The following SMIM41 variants were observed in gnomAD, a reference collection of about 807,000 sequenced individuals.
SMIM41 encodes small integral membrane protein 41.
chr12:52,090,500 C>T (rs990224711), intron 2 of SMIM41, among the ~76,000 whole-genome samples: 1 of 152,098 alleles, frequency 6.6e-6, no homozygotes, highest in African/African-American at 2.4e-5. Context: ...GAGGAAGGAG[C>T]GCACCTGCTG....
At chr12:52,085,858 ACT>A (rs995775883) in intron 2 of SMIM41, among the ~76,000 whole-genome samples, 1 of 152,008 alleles carries the variant, frequency 6.6e-6, no homozygotes, top group African/African-American at 2.4e-5. Flanking sequence ...CCATGAGATA[ACT>A]CATGTCCGCT....
chr12:52,101,825 G>A (rs1014985141), intron 2 of SMIM41, among the ~76,000 whole-genome samples: 1 of 151,966 alleles, frequency 6.6e-6, no homozygotes, highest in Non-Finnish European at 1.5e-5. Context: ...TGATTCTCCT[G>A]CCTCCACCTC....
At chr12:52,085,126 C>T (rs1336039760) in intron 2 of SMIM41, among the ~76,000 whole-genome samples, 1 of 152,198 alleles carries the variant, frequency 6.6e-6, no homozygotes, top group Non-Finnish European at 1.5e-5. Flanking sequence ...ATATTTGGCT[C>T]AGGCAGAAGG....
Position 52,107,527 on chromosome 12 carries a change from T to C in SMIM41, c.*344T>C, listed in dbSNP as rs779074251. The C allele has an allele frequency of 3.9e-5, 38 of 969,704 alleles. No individual in the cohort carries two copies. The highest frequency in any genetic ancestry group is 5.9e-5 in the Non-Finnish European group (37 of 628,740). 60.1% of individuals were successfully genotyped at this position (969,704 alleles called of 1,614,324 possible). On this transcript the variant is annotated 3_prime_UTR_variant, in exon 3 of 3. Transcript: ENST00000546390. The stretch of plus-strand genomic sequence containing the variant: ...TCCATGTACTTCTTCCTCTCCAACC[T>C]GTCCTTGCCTGACATCGGTTTCACC...
At position 52,081,455 on chromosome 12, in the gene SMIM41, T is replaced by C. The variant is rs1278660736; in HGVS notation, c.*120+1274T>C. 6.6e-6 allele frequency among the ~76,000 whole-genome samples: 1 copy of C among 152,076 alleles called. No homozygotes were observed. Among genetic ancestry groups the C allele is most frequent in the African/African-American group, 2.4e-5 (1 of 41,412 alleles). ...GCAGCCCAGGATTTGGCACTAATCCTGGGCAGCGGCACCACACTGGCCTTG... is the reference window on the plus strand; with the variant it reads ...GCAGCCCAGGATTTGGCACTAATCCCGGGCAGCGGCACCACACTGGCCTTG... On this transcript the variant is annotated intron_variant, in intron 1 of 2. Coordinates refer to ENST00000546390, the MANE Select transcript of SMIM41 (RefSeq NM_001369216.1). This position sits in a 1 kb window ranked among gnomAD's most constrained non-coding sequence, Gnocchi z 4.1.
intron 2 of SMIM41, chr12:52,092,436 TG>T (rs1940022185): frequency 6.6e-6 from 1 of 152,228 alleles, no homozygotes; most frequent in Non-Finnish European, 1.5e-5. Flanking sequence ...GGGACTTTTA[TG>T]GGTGTTACTT....
intron 2 of SMIM41, among the ~76,000 whole-genome samples, chr12:52,089,879 C>T (rs1331548823): frequency 6.6e-6 from 1 of 152,216 alleles, no homozygotes; most frequent in Non-Finnish European, 1.5e-5. Context: ...CTGCAATGAT[C>T]CTACTTCCAA....
At chr12:52,102,105 T>A (rs1008860178) in intron 2 of SMIM41, among the ~76,000 whole-genome samples, 1 of 152,218 alleles carries the variant, frequency 6.6e-6, no homozygotes, top group African/African-American at 2.4e-5. Flanking sequence ...ATTTTTAACA[T>A]GAGTGCTAAG....
rs1397570077 is a variant in SMIM41 at position 52,083,949 on chromosome 12, A to AAGAGG, written c.*186_*190dup. On this transcript the variant is annotated 3_prime_UTR_variant, in exon 2 of 3. Coordinates refer to ENST00000546390, the MANE Select transcript of SMIM41 (RefSeq NM_001369216.1). ...AAGAGAAGAAGAGAGGAGAGAAGAGAAGAGGAGAGGAGAGAAGAGGTATAG... is the reference window on the plus strand; with the variant it reads ...AAGAGAAGAAGAGAGGAGAGAAGAGAAGAGGAGAGGAGAGGAGAGAAGAGGTATAG... The AAGAGG allele has an allele frequency of 7.2e-5, 11 of 152,084 alleles. No individual in the cohort carries two copies. The highest frequency in any genetic ancestry group is 5.8e-4 in the East Asian group (3 of 5,180). The allele number at this position is 152,084 out of a possible 1,614,324, so 9.4% of individuals were successfully genotyped here.
intron 2 of SMIM41, among the ~76,000 whole-genome samples, chr12:52,096,386 C>T (rs746665304): frequency 2.0e-5 from 3 of 151,778 alleles, no homozygotes; most frequent in African/African-American, 7.3e-5. Context: ...ACACCTACTG[C>T]GATATTGAAA....
chr12:52,084,138 G>A (rs1412048343), intron 2 of SMIM41, among the ~76,000 whole-genome samples, 170 bp downstream of exon 2: 1 of 152,124 alleles, frequency 6.6e-6, no homozygotes, highest in African/African-American at 2.4e-5. Context: ...CACTTTGGGA[G>A]GCCGAGGCAG....
In SMIM41 at chr12:52,107,409, C is replaced by T; in HGVS notation, c.*226C>T. Reference sequence around the variant, plus strand: ...CAGAGGATCCAGAACGGCAGCTGGTCCTTGCTGGACTGTTCCTGTCCATGT... The same window carrying T: ...CAGAGGATCCAGAACGGCAGCTGGTTCTTGCTGGACTGTTCCTGTCCATGT... On this transcript the variant is annotated 3_prime_UTR_variant, in exon 3 of 3. Coordinates refer to ENST00000546390, the MANE Select transcript of SMIM41 (RefSeq NM_001369216.1). 1.8e-6 allele frequency: 1 copy of T among 566,928 alleles called. No individual in the cohort carries two copies. Among genetic ancestry groups the T allele is most frequent in the Non-Finnish European group, 3.5e-6 (1 of 286,238 alleles). 35.1% of individuals were successfully genotyped at this position (566,928 alleles called of 1,614,324 possible). A position where few individuals can be genotyped will look rare whatever the true frequency, so the allele number is the denominator to read the frequency against.
In SMIM41 at chr12:52,079,968, G is replaced by A; in HGVS notation, c.189G>A (p.Gln63=). The A allele has an allele frequency of 2.6e-6, 1 of 383,238 alleles. No individual in the cohort carries two copies. The allele number at this position is 383,238 out of a possible 1,614,324, so 23.7% of individuals were successfully genotyped here. A position where few individuals can be genotyped will look rare whatever the true frequency, so the allele number is the denominator to read the frequency against. The change falls in exon 1 of 3, where the codon CAG becomes CAA. Residue 63 remains glutamine, a synonymous_variant. Coordinates refer to ENST00000546390, the MANE Select transcript of SMIM41 (RefSeq NM_001369216.1). ...GCGGCGGCCTCCTCCTCCGCGCCCA[G>A]GGCCTGACAGCGCTGCTGACCCGCG... ...FLGGGLLLRA[Q]GLTALLTREQ...
rs148251976 is a variant in SMIM41 at position 52,089,325 on chromosome 12, C to T, written c.*195+5357C>T. Among the ~76,000 whole-genome samples, 678 of 152,038 alleles carry T rather than the reference C, an allele frequency of 4.5e-3. 9 individuals are homozygous for T. The highest frequency in any genetic ancestry group is 0.014 in the African/African-American group (598 of 41,472). On this transcript the variant is annotated intron_variant, in intron 2 of 2. Coordinates refer to ENST00000546390, the MANE Select transcript of SMIM41 (RefSeq NM_001369216.1). Reference sequence around the variant, plus strand: ...AAACCTGTAGGGGGGTCGGGTGGGGCGGCTCACACCCATAATCCCAGCACT... The same window carrying T: ...AAACCTGTAGGGGGGTCGGGTGGGGTGGCTCACACCCATAATCCCAGCACT...
chr12:52,097,062 G>A (rs568612403), intron 2 of SMIM41, among the ~76,000 whole-genome samples: 38 of 152,124 alleles, frequency 2.5e-4, no homozygotes, highest in African/African-American at 8.4e-4. Context: ...AATTTCGCAG[G>A]GGTCGTACAC....
chr12:52,087,767 C>G (rs571168195), intron 2 of SMIM41: 18 of 152,362 alleles, frequency 1.2e-4, no homozygotes, highest in Admixed American at 3.9e-4. Context: ...TGAAGGGCAC[C>G]TTAGTGTCTG....
At chr12:52,098,988 C>A (rs1180977887) in intron 2 of SMIM41, among the ~76,000 whole-genome samples, 1 of 151,918 alleles carries the variant, frequency 6.6e-6, no homozygotes, top group Admixed American at 6.6e-5. Flanking sequence ...ACACCCCCTG[C>A]GATATCGGGA....
intron 2 of SMIM41, among the ~76,000 whole-genome samples, chr12:52,097,497 C>T (rs1389495122): frequency 6.6e-6 from 1 of 152,086 alleles, no homozygotes; most frequent in Non-Finnish European, 1.5e-5. Context: ...GTGATATCAA[C>T]CCCGGTCCCT....
At chr12:52,106,947 A>G (rs928730955) in intron 2 of SMIM41, among the ~76,000 whole-genome samples, 25 of 152,320 alleles carry the variant, frequency 1.6e-4, no homozygotes, top group Admixed American at 3.9e-4. Context: ...TGAGTTCTTA[A>G]TTTTCTTTAG....
Sources: allele counts gnomAD v4.1 joint callset (sites outside exome capture counted in the v4.1 genomes callset), GRCh38; gene constraint gnomAD v4.1.1; non-coding constraint Gnocchi (gnomAD v3.1); transcripts MANE v1.5; gene names NCBI Gene and HGNC (gene_info 2026-07-23, HGNC 2026-07-21).